TADA2B: variants seen among roughly 807,000 people sequenced by gnomAD.
TADA2B encodes the protein transcriptional adaptor 2B.
A neutral mutation model predicts 34.5 loss-of-function variants in TADA2B; 13 were observed. That is an observed-to-expected ratio of 0.38 (90% CI 0.25 to 0.60). TADA2B has a LOEUF of 0.60. Ranked by LOEUF, TADA2B falls within the 20% of genes least tolerant of loss-of-function variation. The pLI, the probability that TADA2B is intolerant of heterozygous loss-of-function variation, is 0.65. For synonymous variants in TADA2B, 240 were observed against 243.4 expected (o/e 0.99, Z 0.13); for missense variants, 442 against 575.0 (o/e 0.77, Z 2.37).
intron 1 of TADA2B, among the ~76,000 whole-genome samples, chr4:7,047,352 G>A (rs1723654437): frequency 6.6e-6 from 1 of 152,168 alleles, no homozygotes; most frequent in Non-Finnish European, 1.5e-5. Context: ...TTGTGGTTTT[G>A]AATCAAATGA....
Position 7,052,419 on chromosome 4 carries a change from G to T in TADA2B, c.271-1643G>T, listed in dbSNP as rs926863197. Among the ~76,000 whole-genome samples the T allele has an allele frequency of 2.0e-5, 3 of 152,258 alleles. No homozygotes were observed. In the South Asian group the frequency reaches 6.2e-4, roughly 31 times the overall value. On this transcript the variant is annotated intron_variant, in intron 1 of 1. Coordinates refer to ENST00000310074, the MANE Select transcript of TADA2B (RefSeq NM_152293.3). ...AGTTATCTGTTTCAGAGGCCATTGC[G>T]GTTCCTGGGGCTCCCTGGCCCCAAG...
At chr4:7,051,944 G>T (rs940920706) in intron 1 of TADA2B, among the ~76,000 whole-genome samples, 1 of 152,230 alleles carries the variant, frequency 6.6e-6, no homozygotes, top group East Asian at 1.9e-4. Flanking sequence ...AAGTCTGCAG[G>T]CCTCTTCCTG....
chr4:7,052,577 G>T (rs557485151), intron 1 of TADA2B, among the ~76,000 whole-genome samples: 2 of 152,328 alleles, frequency 1.3e-5, no homozygotes, highest in East Asian at 3.9e-4. Flanking sequence ...GTGTGGGGCT[G>T]CACGTGTCTC....
intron 1 of TADA2B, among the ~76,000 whole-genome samples, chr4:7,049,566 T>C (rs1350165619): frequency 1.3e-5 from 2 of 152,184 alleles, no homozygotes; most frequent in African/African-American, 4.8e-5. Flanking sequence ...TGGAACAGGC[T>C]GGGGGCAGTG....
chr4:7,052,430 C>T (rs913908731), intron 1 of TADA2B, among the ~76,000 whole-genome samples: 4 of 152,236 alleles, frequency 2.6e-5, no homozygotes, highest in Non-Finnish European at 5.9e-5. Context: ...GTTCCTGGGG[C>T]TCCCTGGCCC....
At chr4:7,049,609 C>T (rs1723717677) in intron 1 of TADA2B, among the ~76,000 whole-genome samples, 1 of 152,214 alleles carries the variant, frequency 6.6e-6, no homozygotes, top group South Asian at 2.1e-4. Context: ...AAAGGTCTGA[C>T]ACCTGGAAGC....
intron 1 of TADA2B, among the ~76,000 whole-genome samples, chr4:7,052,285 C>T (rs1197665406): frequency 2.0e-5 from 3 of 152,272 alleles, no homozygotes; most frequent in Non-Finnish European, 2.9e-5. Context: ...AAATTCCCAT[C>T]TTCCAGGCAC....
intron 1 of TADA2B, among the ~76,000 whole-genome samples, chr4:7,051,850 G>A (rs1723777728): frequency 1.3e-5 from 2 of 152,210 alleles, no homozygotes; most frequent in Non-Finnish European, 2.9e-5. Context: ...GCCTGCCTCG[G>A]CCTCCCAAAG....
intron 1 of TADA2B, among the ~76,000 whole-genome samples, chr4:7,048,327 G>C (rs1245774585): frequency 1.3e-5 from 2 of 152,116 alleles, no homozygotes; most frequent in Non-Finnish European, 2.9e-5. Flanking sequence ...GGGAGGGGCA[G>C]GGCACGCAGA....
chr4:7,053,983 A>G (rs1723828861), intron 1 of TADA2B, 79 bp from the exon 2 acceptor site: 7 of 1,458,316 alleles, frequency 4.8e-6, no homozygotes. Flanking sequence ...AGCCTTTGTA[A>G]AAACGTGAAG....
In TADA2B at chr4:7,054,005, G is replaced by A. The variant is rs1723829457; in HGVS notation, c.271-57G>A. 10 of 1,496,796 alleles carry A rather than the reference G, an allele frequency of 6.7e-6. No individual in the cohort carries two copies. The East Asian group carries it at 7.3e-5, about 11-fold the overall frequency. The allele number at this position is 1,496,796 out of a possible 1,614,324, so 92.7% of individuals were successfully genotyped here. A position where few individuals can be genotyped will look rare whatever the true frequency, so the allele number is the denominator to read the frequency against. ...GTAAAAACGTGAAGAGAATCTGTGC[G>A]GAACCCAAATCTGGCACCCTGATGG... On this transcript the variant is annotated intron_variant, in intron 1 of 1. Coordinates refer to ENST00000310074, the MANE Select transcript of TADA2B (RefSeq NM_152293.3).
rs1723914133 is a variant in TADA2B at position 7,057,312 on chromosome 4, T to TAA, written c.*2258_*2259insAA. The TAA allele has an allele frequency of 6.6e-6, 1 of 152,228 alleles. No individual in the cohort carries two copies. Among genetic ancestry groups the TAA allele is most frequent in the Non-Finnish European group, 1.5e-5 (1 of 68,052 alleles). 9.4% of individuals were successfully genotyped at this position (152,228 alleles called of 1,614,324 possible). A position where few individuals can be genotyped will look rare whatever the true frequency, so the allele number is the denominator to read the frequency against. On this transcript the variant is annotated 3_prime_UTR_variant, in exon 2 of 2. Transcript: ENST00000310074. ...TTAAAACACCATAATGAATGTATAA[T>TAA]TAATTTATGTTAAAGTATTAACCCT...
In TADA2B at chr4:7,043,572, G is replaced by T. The variant is rs1455487977; in HGVS notation, c.-8G>T. The T allele has an allele frequency of 1.6e-6, 2 of 1,250,760 alleles. No individual in the cohort carries two copies. Among genetic ancestry groups the T allele is most frequent in the Non-Finnish European group, 1.0e-6 (1 of 991,404 alleles). 77.5% of individuals were successfully genotyped at this position (1,250,760 alleles called of 1,614,324 possible). On this transcript the variant is annotated 5_prime_UTR_variant, in exon 1 of 2. Transcript: ENST00000310074. ...GCGGGCCGGGCGGCGGGCGGCGAGC[G>T]GGGGAAGATGGCGGAGCTGGGGAAG...
chr4:7,054,410 G>A lies in TADA2B; in HGVS notation c.619G>A (p.Asp207Asn). The change falls in exon 2 of 2, where the codon GAC (aspartate) becomes AAC (asparagine). Residue 207 changes from aspartate (D) to asparagine (N), a missense_variant. By Grantham distance (23) the Asp-to-Asn change is conservative. Transcript: ENST00000310074. ...VEIELKRAHV[D>N]MYVRKLKERQ... Reference sequence around the variant, plus strand: ...GATCGAGCTGAAGCGCGCCCACGTGGACATGTACGTGCGGAAGCTGAAAGA... The same window carrying A: ...GATCGAGCTGAAGCGCGCCCACGTGAACATGTACGTGCGGAAGCTGAAAGA... 1 of 1,613,332 alleles carries A rather than the reference G, an allele frequency of 6.2e-7. No individual in the cohort carries two copies. The highest frequency in any genetic ancestry group is 2.2e-5 in the East Asian group (1 of 44,850).
Position 7,054,582 on chromosome 4 carries a change from A to G in TADA2B, c.791A>G (p.Gln264Arg). ...CGCCTGAAGCTGAGGCCGCTGTACC[A>G]GTTCATGTCATGCAAGGAGTTTGAT... The part of the protein sequence containing the change: ...ELRLKLRPLY[Q>R]FMSCKEFDDL... Residue 264 changes from glutamine (Q) to arginine (R), a missense_variant, in exon 2 of 2, where the codon CAG becomes CGG. Gln to Arg is a conservative substitution (Grantham distance 43). Transcript: ENST00000310074. The G allele has an allele frequency of 6.2e-7, 1 of 1,613,958 alleles. No individual in the cohort carries two copies. The highest frequency in any genetic ancestry group is 8.5e-7 in the Non-Finnish European group (1 of 1,179,904).
intron 1 of TADA2B, chr4:7,053,661 C>A: frequency 5.7e-6 from 1 of 175,382 alleles, no homozygotes; most frequent in Non-Finnish European, 1.2e-5. Flanking sequence ...CTGCTGTCTC[C>A]TGGGACATTC....
chr4:7,051,031 G>A lies in TADA2B; in HGVS notation c.271-3031G>A, dbSNP rs183542305. 2.5e-3 allele frequency among the ~76,000 whole-genome samples: 386 copies of A among 152,296 alleles called. 2 individuals are homozygous for A. Among genetic ancestry groups the A allele is most frequent in the Admixed American group, 6.1e-3 (94 of 15,302 alleles). The stretch of plus-strand genomic sequence containing the variant: ...ACAACACTCCTCCTCCGTGGGAAGC[G>A]CACGGGGTGAGTGGGATGATGGGCG... On this transcript the variant is annotated intron_variant, in intron 1 of 1. Transcript: ENST00000310074.
intron 1 of TADA2B, among the ~76,000 whole-genome samples, chr4:7,046,427 G>C (rs1253963095): frequency 6.6e-6 from 1 of 152,158 alleles, no homozygotes; most frequent in Non-Finnish European, 1.5e-5. Context: ...CTCGGGGGTG[G>C]GTTCTTATTC....
rs1560395986 is a variant in TADA2B, at chr4:7,054,951, T to G, written c.1160T>G (p.Ile387Ser). ...GACCACCTCCAGAAGCGGCAAGGAA[T>G]CCCCTCCAAAAGCCGCCTTCCTAGC... The part of the protein sequence containing the change: ...IKDHLQKRQG[I>S]PSKSRLPSYL... Residue 387 changes from isoleucine to serine, a missense_variant, in exon 2 of 2, where the codon ATC becomes AGC. Coordinates refer to ENST00000310074, the MANE Select transcript of TADA2B (RefSeq NM_152293.3). 6.8e-6 allele frequency: 11 copies of G among 1,613,848 alleles called. No individual in the cohort carries two copies. Among genetic ancestry groups the G allele is most frequent in the Non-Finnish European group, 8.5e-6 (10 of 1,179,886 alleles).
Sources: allele counts gnomAD v4.1 joint callset (sites outside exome capture counted in the v4.1 genomes callset), GRCh38; gene constraint gnomAD v4.1.1; transcripts MANE v1.5; gene names NCBI Gene and HGNC (gene_info 2026-07-23, HGNC 2026-07-21).